The following WDR25 variants were observed in gnomAD, a reference collection of about 807,000 sequenced individuals.
The protein encoded by WDR25 is WD repeat-containing protein 25.
A neutral mutation model predicts 47.7 loss-of-function variants in WDR25; 35 were observed. That is an observed-to-expected ratio of 0.73 (90% CI 0.56 to 0.97). The LOEUF (loss-of-function observed/expected upper bound fraction) is 0.97. WDR25 is among the 50% of genes least tolerant of loss of function. The pLI is 0.00. For missense variants in WDR25, 634 were observed against 704.7 expected, an observed-to-expected ratio of 0.90 and a Z score of 1.14; for synonymous variants, 248 against 278.9, an observed-to-expected ratio of 0.89 and a Z score of 1.10.
chr14:100,380,499 CTT>C (rs35017232), intron 1 of WDR25, among the ~76,000 whole-genome samples: 30 of 145,290 alleles, frequency 2.1e-4, no homozygotes, highest in East Asian at 4.0e-4. Context: ...CTTTTTCTTT[CTT>C]TTTTTTTTTT....
At chr14:100,491,085 G>T (rs1379459893) in intron 4 of WDR25, among the ~76,000 whole-genome samples, 1 of 152,172 alleles carries the variant, frequency 6.6e-6, no homozygotes, top group African/African-American at 2.4e-5. Context: ...GATCTCGAGA[G>T]CCCCTTTCAG....
At chr14:100,421,108 G>A (rs79886235) in intron 2 of WDR25, among the ~76,000 whole-genome samples, 2,025 of 152,170 alleles carry the variant, frequency 0.013, 48 homozygotes, top group African/African-American at 0.046. Flanking sequence ...CATTCCATTC[G>A]GCCAAAACTG....
intron 2 of WDR25, among the ~76,000 whole-genome samples, chr14:100,405,714 G>A (rs957448495): frequency 6.6e-6 from 1 of 152,228 alleles, no homozygotes; most frequent in Admixed American, 6.5e-5. Context: ...GCTCTGTGGC[G>A]CATGGATTGG....
chr14:100,377,314 T>TTG (rs1419670298), intron 1 of WDR25, among the ~76,000 whole-genome samples: 4 of 111,490 alleles, frequency 3.6e-5, no homozygotes, highest in African/African-American at 7.2e-5. Flanking sequence ...TGTTGTTGTT[T>TTG]TTTGAGACCA....
At position 100,483,878 on chromosome 14, in the gene WDR25, G is replaced by A. The variant is rs138110366; in HGVS notation, c.971-116G>A. Reference sequence around the variant, plus strand: ...CAAAAAGTGTCCATTGGGCTACATCGGGCCCAGGGGAGCTGTGTTTGCTAT... The same window carrying A: ...CAAAAAGTGTCCATTGGGCTACATCAGGCCCAGGGGAGCTGTGTTTGCTAT... On this transcript the variant is annotated intron_variant, in intron 3 of 6. Coordinates refer to ENST00000402312, the MANE Select transcript of WDR25 (RefSeq NM_001161476.3). The A allele has an allele frequency of 2.9e-5, 37 of 1,280,936 alleles. No homozygotes were observed. The African/African-American group carries it at 2.9e-4, about 10-fold the overall frequency. 79.3% of individuals were successfully genotyped at this position (1,280,936 alleles called of 1,614,324 possible). A position where few individuals can be genotyped will look rare whatever the true frequency, so the allele number is the denominator to read the frequency against.
chr14:100,481,103 C>CAAAAAAAAAAAAAAAAAAAAAAAAA, intron 3 of WDR25: 1 of 246,946 alleles, frequency 4.0e-6, no homozygotes. Context: ...CAAAAAAGTG[C>CAAAAAAAAAAAAAAAAAAAAAAAAA]AAAAAAAAAA....
rs545002411 is a variant in WDR25, at chr14:100,419,200, C to T, written c.822+37454C>T. Among the ~76,000 whole-genome samples, 47 of 143,532 alleles carry T rather than the reference C, an allele frequency of 3.3e-4. No individual in the cohort carries two copies. In the East Asian group the frequency reaches 6.4e-3, roughly 20 times the overall value. The allele number at this position is 143,532 out of a possible 152,430, so 94.2% of individuals were successfully genotyped here. A position where few individuals can be genotyped will look rare whatever the true frequency, so the allele number is the denominator to read the frequency against. On this transcript the variant is annotated intron_variant, in intron 2 of 6. Coordinates refer to ENST00000402312, the MANE Select transcript of WDR25 (RefSeq NM_001161476.3). ...TCACGCCACTGCACTCCAGCCTGGG[C>T]GACAGAACAAGACTCCATCACAAAA...
chr14:100,510,646 G>C (rs971317077), intron 4 of WDR25, among the ~76,000 whole-genome samples: 8 of 151,712 alleles, frequency 5.3e-5, no homozygotes, highest in African/African-American at 1.9e-4. Flanking sequence ...TGAGGCAGGA[G>C]AATCACTTGA....
intron 2 of WDR25, among the ~76,000 whole-genome samples, chr14:100,432,387 C>T (rs1274350191): frequency 6.6e-6 from 1 of 152,166 alleles, no homozygotes; most frequent in Non-Finnish European, 1.5e-5. Flanking sequence ...CCTGAATCTT[C>T]CAAAAATGTA....
chr14:100,401,317 C>T (rs1366746282), intron 2 of WDR25, among the ~76,000 whole-genome samples: 2 of 152,210 alleles, frequency 1.3e-5, no homozygotes, highest in African/African-American at 4.8e-5. Context: ...CCCCCTTGCA[C>T]TGCCTCATTA....
rs755347286 is a variant in WDR25 at position 100,468,021 on chromosome 14, G to T, written c.823G>T (p.Val275Leu). The T allele has an allele frequency of 3.7e-6, 6 of 1,612,520 alleles. No homozygotes were observed. In the Admixed American group the frequency reaches 8.3e-5, roughly 22 times the overall value. ...TGGTGCTGTCTGTGTTTGCCTGCAG[G>T]TATGGAACGCCGTGGACTCCGGGCA... ...LSTSMDKTFK[V>L]WNAVDSGHCL... is the part of the protein sequence containing the mutation. Residue 275 changes from valine (V) to leucine (L), a missense_variant and splice_region_variant, in exon 3 of 7, where the codon GTA becomes TTA. Coordinates refer to ENST00000402312, the MANE Select transcript of WDR25 (RefSeq NM_001161476.3). The surrounding 1 kb of genome is among the most constrained non-coding windows in gnomAD (Gnocchi z 4.5).
chr14:100,462,321 A>G (rs940719245), intron 2 of WDR25, among the ~76,000 whole-genome samples: 40 of 152,188 alleles, frequency 2.6e-4, no homozygotes, highest in Non-Finnish European at 5.0e-4. Flanking sequence ...CATTTGACAG[A>G]AGATTTAACT....
At chr14:100,458,054 A>G (rs141678879) in intron 2 of WDR25, among the ~76,000 whole-genome samples, 77 of 152,338 alleles carry the variant, frequency 5.1e-4, no homozygotes, top group African/African-American at 1.7e-3. Context: ...TTAAACCCAA[A>G]CCATATCAAT....
intron 2 of WDR25, among the ~76,000 whole-genome samples, chr14:100,393,097 A>G (rs1897180064): frequency 6.6e-6 from 1 of 152,242 alleles, no homozygotes; most frequent in Non-Finnish European, 1.5e-5. Flanking sequence ...GTGATCTGTA[A>G]TTATTTAGAC....
chr14:100,396,450 G>T (rs1175960100), intron 2 of WDR25, among the ~76,000 whole-genome samples: 1 of 152,236 alleles, frequency 6.6e-6, no homozygotes, highest in East Asian at 1.9e-4. Flanking sequence ...CACCCCAAAA[G>T]GAGAAGGAAG....
At chr14:100,527,074 C>T (rs978100436) in intron 5 of WDR25, among the ~76,000 whole-genome samples, 2 of 150,824 alleles carry the variant, frequency 1.3e-5, no homozygotes, top group Non-Finnish European at 3.0e-5. Flanking sequence ...GTCACTACCA[C>T]CAACTGTATC....
intron 2 of WDR25, among the ~76,000 whole-genome samples, chr14:100,443,936 C>G (rs1354352511): frequency 6.6e-6 from 1 of 152,148 alleles, no homozygotes; most frequent in Non-Finnish European, 1.5e-5. Flanking sequence ...GAGGAGATAC[C>G]ACCTTCTCTG....
chr14:100,487,798 T>G (rs559981313), intron 4 of WDR25: 1 of 152,230 alleles, frequency 6.6e-6, no homozygotes, highest in African/African-American at 2.4e-5. Context: ...TTTTTGCATA[T>G]AGCTTTTTCC....
In WDR25 at chr14:100,434,674, A is replaced by T. The variant is rs574119451; in HGVS notation, c.823-33347A>T. On this transcript the variant is annotated intron_variant, in intron 2 of 6. Coordinates refer to ENST00000402312, the MANE Select transcript of WDR25 (RefSeq NM_001161476.3). ...TTTGTGTGAACCACGGACATTTCCA[A>T]AAGGCAGGTCTGTACAAAAAGTTCT... Among the ~76,000 whole-genome samples, 157 of 152,260 alleles carry T rather than the reference A, an allele frequency of 1.0e-3. 2 individuals are homozygous for T. The highest frequency in any genetic ancestry group is 3.8e-4 in the Non-Finnish European group (26 of 68,016).
Sources: gnomAD v4.1 joint callset for allele counts (sites outside exome capture counted in the v4.1 genomes callset) on GRCh38, gnomAD v4.1.1 for gene constraint, Gnocchi (gnomAD v3.1) non-coding constraint, MANE v1.5 for transcripts, NCBI Gene and HGNC (gene_info 2026-07-23, HGNC 2026-07-21) for gene names.